ZNF618: variants seen among roughly 807,000 people sequenced by gnomAD.
ZNF618 encodes zinc finger protein 618, also known as neural precursor cell expressed, developmentally down-regulated 10.
A neutral mutation model predicts 103.0 loss-of-function variants in ZNF618; 34 were observed. That is an observed-to-expected ratio of 0.33 (90% CI 0.25 to 0.44). The LOEUF (loss-of-function observed/expected upper bound fraction) is 0.44. Ranked by LOEUF, ZNF618 falls within the 20% of genes least tolerant of loss-of-function variation. The pLI, the probability that ZNF618 is intolerant of heterozygous loss-of-function variation, is 1.00. For missense variants in ZNF618, 1,059 were observed against 1,295.4 expected (o/e 0.82, Z 2.80); for synonymous variants, 551 against 542.2 (o/e 1.02, Z -0.23).
intron 1 of ZNF618, among the ~76,000 whole-genome samples, chr9:113,936,188 C>T (rs1229458297): frequency 1.3e-5 from 2 of 152,122 alleles, no homozygotes; most frequent in African/African-American, 4.8e-5. Context: ...GGTCAGAGAC[C>T]AGGCTCCAGA....
intron 2 of ZNF618, among the ~76,000 whole-genome samples, chr9:113,979,679 G>C (rs1838805714): frequency 6.6e-6 from 1 of 152,204 alleles, no homozygotes; most frequent in Non-Finnish European, 1.5e-5. Context: ...CCTGGGCTTG[G>C]TCCTTGGTTC....
chr9:113,879,549 C>G (rs1357748786), intron 1 of ZNF618, among the ~76,000 whole-genome samples: 1 of 151,668 alleles, frequency 6.6e-6, no homozygotes, highest in African/African-American at 2.4e-5. Flanking sequence ...CCTTGGCTCT[C>G]TCACCTCCTA....
At position 113,988,457 on chromosome 9, in the gene ZNF618, C is replaced by T. The variant is rs756928916; in HGVS notation, c.214C>T (p.Gln72Ter). 1 of 1,613,646 alleles carries T rather than the reference C, an allele frequency of 6.2e-7. No individual in the cohort carries two copies. Among genetic ancestry groups the T allele is most frequent in the Non-Finnish European group, 8.5e-7 (1 of 1,179,904 alleles). The part of the protein sequence containing the change: ...VKTELPDDYI[Q>*]EVIWQGEAKE... ...GACAGAGCTGCCCGATGACTACATC[C>T]AGGAGGTGATCTGGCAGGGCGAGGC... The change falls in exon 3 of 15, where the codon CAG (glutamine) becomes TAG (stop). Residue 72 changes from glutamine to a stop codon, truncating the protein, a stop_gained. Coordinates refer to ENST00000374126, the MANE Select transcript of ZNF618 (RefSeq NM_001318042.2). LOFTEE classifies it high-confidence loss of function.
At chr9:113,974,712 C>A (rs964565985) in intron 2 of ZNF618, among the ~76,000 whole-genome samples, 1 of 152,124 alleles carries the variant, frequency 6.6e-6, no homozygotes. Flanking sequence ...CAGCTGTACT[C>A]CTGTGGTCCC....
At chr9:113,983,390 GGGGGCGA>G (rs1295213376) in intron 2 of ZNF618, among the ~76,000 whole-genome samples, 1 of 152,146 alleles carries the variant, frequency 6.6e-6, no homozygotes, top group Non-Finnish European at 1.5e-5. Context: ...CCTAGAAGTC[GGGGGCGA>G]GGGGAAGAGA....
chr9:114,015,998 C>A, intron 9 of ZNF618: 2 of 954,956 alleles, frequency 2.1e-6, no homozygotes, highest in Non-Finnish European at 3.2e-6. Flanking sequence ...GACCAGGGCA[C>A]CCTCCCCCAA....
intron 1 of ZNF618, among the ~76,000 whole-genome samples, chr9:113,893,911 T>A (rs1004873012): frequency 6.6e-6 from 1 of 152,208 alleles, no homozygotes; most frequent in African/African-American, 2.4e-5. Context: ...TTTGGGAAGC[T>A]TTGTTCATTT....
At chr9:113,971,623 T>C (rs1414837343) in intron 2 of ZNF618, among the ~76,000 whole-genome samples, 1 of 152,178 alleles carries the variant, frequency 6.6e-6, no homozygotes, top group East Asian at 1.9e-4. Context: ...GCCCTCACTC[T>C]CTAATGCATG....
intron 1 of ZNF618, among the ~76,000 whole-genome samples, chr9:113,930,109 C>T (rs753114594): frequency 3.7e-4 from 56 of 152,150 alleles, no homozygotes; most frequent in Admixed American, 3.9e-4. Context: ...TCCTTGTTTG[C>T]AAAGGAGACC....
intron 1 of ZNF618, among the ~76,000 whole-genome samples, chr9:113,935,356 G>T (rs1833942396): frequency 6.6e-6 from 1 of 152,156 alleles, no homozygotes; most frequent in African/African-American, 2.4e-5. Flanking sequence ...AGGAGGTAAA[G>T]CCGCAGCTGC....
At chr9:113,970,153 TG>T (rs1330254433) in intron 2 of ZNF618, among the ~76,000 whole-genome samples, 4 of 152,180 alleles carry the variant, frequency 2.6e-5, no homozygotes, top group Non-Finnish European at 1.5e-5. Flanking sequence ...TATGCTAATG[TG>T]TGTGCTTGAG....
At chr9:113,982,909 A>G (rs971412162) in intron 2 of ZNF618, among the ~76,000 whole-genome samples, 2 of 152,242 alleles carry the variant, frequency 1.3e-5, no homozygotes, top group African/African-American at 2.4e-5. Context: ...AGCTTGCACA[A>G]TTAGTAACCG....
rs1564354226 is a variant in ZNF618 at position 114,050,183 on chromosome 9, G to A, written c.*16G>A. The A allele has an allele frequency of 2.9e-5, 43 of 1,479,992 alleles. No individual in the cohort carries two copies. The highest frequency in any genetic ancestry group is 7.0e-5 in the South Asian group (5 of 71,656). 91.7% of individuals were successfully genotyped at this position (1,479,992 alleles called of 1,614,324 possible). ...CATGCTTTAAGACTTGACTTCGGGGGAAAAAAAAAGAAAAAGAGAAGATAA... is the reference window on the plus strand; with the variant it reads ...CATGCTTTAAGACTTGACTTCGGGGAAAAAAAAAAGAAAAAGAGAAGATAA... On this transcript the variant is annotated 3_prime_UTR_variant, in exon 15 of 15. Transcript: ENST00000374126.
chr9:113,991,212 A>T (rs566795224), intron 3 of ZNF618, among the ~76,000 whole-genome samples: 33 of 152,358 alleles, frequency 2.2e-4, no homozygotes, highest in African/African-American at 7.9e-4. Context: ...TGCTGATTCC[A>T]GCTGAGCTGC....
At position 114,050,382 on chromosome 9, in the gene ZNF618, TGTG is replaced by T. The variant is rs551307782; in HGVS notation, c.*217_*219del. 461 of 531,516 alleles carry T rather than the reference TGTG, an allele frequency of 8.7e-4. 2 individuals carry two copies. Among genetic ancestry groups the T allele is most frequent in the South Asian group, 1.6e-3 (57 of 35,532 alleles). The allele number at this position is 531,516 out of a possible 1,614,324, so 32.9% of individuals were successfully genotyped here. A position where few individuals can be genotyped will look rare whatever the true frequency, so the allele number is the denominator to read the frequency against. On this transcript the variant is annotated 3_prime_UTR_variant, in exon 15 of 15. Coordinates refer to ENST00000374126, the MANE Select transcript of ZNF618 (RefSeq NM_001318042.2). ...CACGTGTCTGAACACGTGCTGTGGT[TGTG>T]GGGGTGTGGGGGGGTCTCTGTGCTC...
intron 9 of ZNF618, among the ~76,000 whole-genome samples, chr9:114,011,615 G>A (rs931004910): frequency 1.3e-5 from 2 of 152,192 alleles, no homozygotes; most frequent in African/African-American, 2.4e-5. Flanking sequence ...CACAGAACGC[G>A]AAAAACGATT....
At chr9:113,988,664 T>G in intron 3 of ZNF618, 84 bp downstream of exon 3, 3 of 1,475,500 alleles carry the variant, frequency 2.0e-6, no homozygotes, top group Admixed American at 2.2e-5. Flanking sequence ...GCCTGGCGCC[T>G]CTGCCCCCTT....
intron 7 of ZNF618, 77 bp downstream of exon 7, chr9:114,007,516 C>T (rs919507275): frequency 3.6e-6 from 5 of 1,382,872 alleles, no homozygotes; most frequent in African/African-American, 1.4e-5. Flanking sequence ...CAGCCCTCCC[C>T]GCCTCCCTCC....
chr9:113,990,174 A>G (rs1251129211), intron 3 of ZNF618, among the ~76,000 whole-genome samples: 1 of 152,030 alleles, frequency 6.6e-6, no homozygotes, highest in Non-Finnish European at 1.5e-5. Flanking sequence ...CTCCAGTGCC[A>G]CCTCCTCCCA....
Sources: gnomAD v4.1 joint callset for allele counts (sites outside exome capture counted in the v4.1 genomes callset) on GRCh38, gnomAD v4.1.1 for gene constraint, MANE v1.5 for transcripts, NCBI Gene and HGNC (gene_info 2026-07-23, HGNC 2026-07-21) for gene names.